The following THOC6 variants were observed in gnomAD, a reference collection of about 807,000 sequenced individuals.
THOC6 encodes THO complex subunit 6.
In THOC6, 39 loss-of-function variants were observed where a neutral mutation model predicts 55.8. The observed-to-expected ratio is 0.70, with a 90% CI of 0.54 to 0.91. THOC6 has a LOEUF of 0.91. THOC6 is among the 40% of genes least tolerant of loss of function. The pLI is 0.00. For missense variants in THOC6, 482 were observed against 442.0 expected, an observed-to-expected ratio of 1.09 and a Z score of -0.81; for synonymous variants, 192 against 175.6, an observed-to-expected ratio of 1.09 and a Z score of -0.74.
chr16:3,025,599 G>T, intron 1 of THOC6, 109 bp from the exon 2 acceptor site: 1 of 986,878 alleles, frequency 1.0e-6, no homozygotes, highest in Non-Finnish European at 1.6e-6. Flanking sequence ...AGAAGGCTGA[G>T]AAGTCAGGAC....
rs1469178876 is a variant in THOC6, at chr16:3,026,303, G to A, written c.362+15G>A. The A allele has an allele frequency of 1.4e-5, 23 of 1,613,994 alleles. No individual in the cohort carries two copies. The highest frequency in any genetic ancestry group is 4.5e-5 in the East Asian group (2 of 44,900). Reference sequence around the variant, plus strand: ...CCTCCATACAGGTGAGCAGGGCCACGTGGATAGAGGGTGCATCAGGGTGAA... The same window carrying A: ...CCTCCATACAGGTGAGCAGGGCCACATGGATAGAGGGTGCATCAGGGTGAA... On this transcript the variant is annotated intron_variant, in intron 5 of 12. Transcript: ENST00000326266.
In THOC6 at chr16:3,024,235, G is replaced by C; in HGVS notation, c.-92G>C. The C allele has an allele frequency of 6.5e-7, 1 of 1,538,810 alleles. No individual in the cohort carries two copies. On this transcript the variant is annotated 5_prime_UTR_variant, in exon 1 of 13. Coordinates refer to ENST00000326266, the MANE Select transcript of THOC6 (RefSeq NM_024339.5). ...ACCAGCCACCTTCGCGCCGAAGGCG[G>C]TAGGGCGCCACGGAGAGGAACCGCT...
chr16:3,026,380 G>A lies in THOC6; in HGVS notation c.378G>A (p.Val126=), dbSNP rs1345228035. 1 of 1,613,920 alleles carries A rather than the reference G, an allele frequency of 6.2e-7. No homozygotes were observed. Among genetic ancestry groups the A allele is most frequent in the African/African-American group, 1.3e-5 (1 of 74,870 alleles). ...CCTTCCCCAGGACCAGCCTGGAAGT[G>A]CCTGAGATCAACGCTTTGCTGCTGG... The part of the protein sequence containing the change: ...RQPPYRTSLE[V]PEINALLLVP... The change falls in exon 6 of 13, where the codon GTG becomes GTA. Residue 126 remains valine (V), a synonymous_variant. Transcript: ENST00000326266.
At position 3,027,354 on chromosome 16, in the gene THOC6, T is replaced by C; in HGVS notation, c.811-12T>C. ...AGTCCTGACCCCTGAGCACCTTCCCTGTCCTCTGCAGATTCTGTCAGCTGG... is the reference window on the plus strand; with the variant it reads ...AGTCCTGACCCCTGAGCACCTTCCCCGTCCTCTGCAGATTCTGTCAGCTGG... On this transcript the variant is annotated splice_polypyrimidine_tract_variant and intron_variant, in intron 11 of 12. Transcript: ENST00000326266. 1 of 1,613,408 alleles carries C rather than the reference T, an allele frequency of 6.2e-7. No individual in the cohort carries two copies. The highest frequency in any genetic ancestry group is 8.5e-7 in the Non-Finnish European group (1 of 1,179,566).
chr16:3,027,148 G>T, intron 10 of THOC6, 22 bp from the exon 11 acceptor site: 6 of 1,614,140 alleles, frequency 3.7e-6, no homozygotes, highest in African/African-American at 1.3e-5. Context: ...TCACAGCTGG[G>T]GACTCCCACC....
Position 3,027,476 on chromosome 16 carries a change from G to T in THOC6, c.921G>T (p.Gln307His). Residue 307 changes from glutamine to histidine, a missense_variant, in exon 12 of 13, where the codon CAG becomes CAT. Physicochemically the swap from Gln to His is conservative, Grantham distance 24 (BLOSUM62 0). Transcript: ENST00000326266. The part of the protein sequence containing the change: ...SPGLLSLSLN[Q>H]QPAAPECKVL... ...GGCTGCTCAGCCTCAGCCTCAACCA[G>T]CAGCCTGCCGCGCCTGAGTGCAAGG... The T allele has an allele frequency of 1.9e-6, 3 of 1,610,016 alleles. No homozygotes were observed. The highest frequency in any genetic ancestry group is 2.5e-6 in the Non-Finnish European group (3 of 1,177,902).
chr16:3,024,667 C>T (rs1482602132), intron 1 of THOC6, among the ~76,000 whole-genome samples: 1 of 134,842 alleles, frequency 7.4e-6, no homozygotes, highest in African/African-American at 2.8e-5. Context: ...CAGAGTCTCA[C>T]TCTGTCACCT....
Position 3,026,664 on chromosome 16 carries a change from C to G in THOC6, c.484-15C>G. 6.2e-7 allele frequency: 1 copy of G among 1,610,454 alleles called. No individual in the cohort carries two copies. The highest frequency in any genetic ancestry group is 8.5e-7 in the Non-Finnish European group (1 of 1,177,932). Reference sequence around the variant, plus strand: ...CTTCCTAGGTCTCCTCCTGACATCGCCCCTCTACATGCAGAGGGTCCTCCG... The same window carrying G: ...CTTCCTAGGTCTCCTCCTGACATCGGCCCTCTACATGCAGAGGGTCCTCCG... On this transcript the variant is annotated splice_polypyrimidine_tract_variant and intron_variant, in intron 7 of 12. Coordinates refer to ENST00000326266, the MANE Select transcript of THOC6 (RefSeq NM_024339.5).
In THOC6 at chr16:3,026,454, C is replaced by A. The variant is rs369985699; in HGVS notation, c.411+41C>A. ...GACTGTTCTTGGTCCAAACTTTGAT[C>A]CTTCACCCTCTGCCTATCCTGATTT... On this transcript the variant is annotated intron_variant, in intron 6 of 12. Transcript: ENST00000326266. 4 of 1,614,130 alleles carry A rather than the reference C, an allele frequency of 2.5e-6. No individual in the cohort carries two copies. The East Asian group carries it at 6.7e-5, about 27-fold the overall frequency.
Position 3,025,809 on chromosome 16 carries a change from G to C in THOC6, c.141G>C (p.Gln47His). ...KFLAAGNNYGQIAIFSLSSAL... is the reference protein window; with the variant it reads ...KFLAAGNNYGHIAIFSLSSAL... Reference sequence around the variant, plus strand: ...TGGCGGCTGGCAACAATTACGGGCAGATTGCCATCTTCAGGTACCCTCTGC... The same window carrying C: ...TGGCGGCTGGCAACAATTACGGGCACATTGCCATCTTCAGGTACCCTCTGC... The change falls in exon 2 of 13, where the codon CAG (glutamine) becomes CAC (histidine). Residue 47 changes from glutamine to histidine, a missense_variant. Transcript: ENST00000326266. 6.2e-7 allele frequency: 1 copy of C among 1,614,234 alleles called. No homozygotes were observed. Among genetic ancestry groups the C allele is most frequent in the Non-Finnish European group, 8.5e-7 (1 of 1,180,050 alleles).
In THOC6 at chr16:3,025,775, G is replaced by A; in HGVS notation, c.107G>A (p.Gly36Glu). 1.9e-6 allele frequency: 3 copies of A among 1,614,222 alleles called. No individual in the cohort carries two copies. The highest frequency in any genetic ancestry group is 2.5e-6 in the Non-Finnish European group (3 of 1,180,048). Residue 36 changes from glycine (G) to glutamate (E), a missense_variant, in exon 2 of 13, where the codon GGG (glycine) becomes GAG (glutamate). By Grantham distance (98) the Gly-to-Glu change is moderately conservative. Coordinates refer to ENST00000326266, the MANE Select transcript of THOC6 (RefSeq NM_024339.5). The part of the protein sequence containing the change: ...TIFSQSVSPC[G>E]KFLAAGNNYG... ...TTCTCCCAGAGCGTCTCACCATGTG[G>A]GAAGTTTCTGGCGGCTGGCAACAAT... is the stretch of plus-strand genomic sequence containing the variant.
rs1750052520 is a variant in THOC6 at position 3,024,383 on chromosome 16, C to T, written c.39+18C>T. 1.2e-6 allele frequency: 2 copies of T among 1,613,960 alleles called. No individual in the cohort carries two copies. Among genetic ancestry groups the T allele is most frequent in the Non-Finnish European group, 1.7e-6 (2 of 1,179,938 alleles). On this transcript the variant is annotated intron_variant, in intron 1 of 12. Coordinates refer to ENST00000326266, the MANE Select transcript of THOC6 (RefSeq NM_024339.5). ...TGGGTCAGGTGAGACGGACGTGGTGCGCGTTGCCTTCTGGGGTTTGTAGTT... is the reference window on the plus strand; with the variant it reads ...TGGGTCAGGTGAGACGGACGTGGTGTGCGTTGCCTTCTGGGGTTTGTAGTT...
chr16:3,024,120 C>T lies in THOC6; in HGVS notation c.-207C>T, dbSNP rs2072712940. Reference sequence around the variant, plus strand: ...GCTCCTCGGGGTGGGGGAGGGTATCCGGCTTAAGGGGGCTGCGGTGGACAC... The same window carrying T: ...GCTCCTCGGGGTGGGGGAGGGTATCTGGCTTAAGGGGGCTGCGGTGGACAC... On this transcript the variant is annotated 5_prime_UTR_variant, in exon 1 of 13. Transcript: ENST00000326266. The T allele has an allele frequency of 8.4e-6, 6 of 712,382 alleles. No homozygotes were observed. Among genetic ancestry groups the T allele is most frequent in the East Asian group, 2.7e-5 (1 of 36,894 alleles). The allele number at this position is 712,382 out of a possible 1,614,324, so 44.1% of individuals were successfully genotyped here.
chr16:3,027,555 G>C, intron 12 of THOC6, 22 bp from the exon 13 acceptor site: 2 of 1,613,424 alleles, frequency 1.2e-6, no homozygotes, highest in Non-Finnish European at 1.7e-6. Flanking sequence ...GGGCAGGCCA[G>C]TCATGCCCCT....
chr16:3,025,624 C>T, intron 1 of THOC6, 84 bp from the exon 2 acceptor site: 2 of 1,316,498 alleles, frequency 1.5e-6, no homozygotes, highest in South Asian at 1.2e-5. Context: ...GGAGGCCTGG[C>T]AGGTTTTGGG....
Position 3,027,485 on chromosome 16 carries a change from C to T in THOC6, c.930C>T (p.Ala310=), listed in dbSNP as rs149227535. The change falls in exon 12 of 13, where the codon GCC becomes GCT. Residue 310 remains alanine, a synonymous_variant. Coordinates refer to ENST00000326266, the MANE Select transcript of THOC6 (RefSeq NM_024339.5). ...LLSLSLNQQP[A]APECKVLTAA... Reference sequence around the variant, plus strand: ...GCCTCAGCCTCAACCAGCAGCCTGCCGCGCCTGAGTGCAAGGTGGGTCCGG... The same window carrying T: ...GCCTCAGCCTCAACCAGCAGCCTGCTGCGCCTGAGTGCAAGGTGGGTCCGG... 3.3e-5 allele frequency: 53 copies of T among 1,609,976 alleles called. No individual in the cohort carries two copies. Among genetic ancestry groups the T allele is most frequent in the African/African-American group, 4.0e-5 (3 of 74,888 alleles).
At chr16:3,024,531 C>T (rs1304182942) in intron 1 of THOC6, among the ~76,000 whole-genome samples, 166 bp downstream of exon 1, 1 of 150,992 alleles carries the variant, frequency 6.6e-6, no homozygotes, top group Non-Finnish European at 1.5e-5. Context: ...GCTTCAGGGG[C>T]TTAACGCAAG....
Position 3,025,760 on chromosome 16 carries a change from G to A in THOC6, c.92G>A (p.Ser31Asn). 6.2e-7 allele frequency: 1 copy of A among 1,614,246 alleles called. No individual in the cohort carries two copies. Among genetic ancestry groups the A allele is most frequent in the Non-Finnish European group, 8.5e-7 (1 of 1,180,050 alleles). ...QRLHMTIFSQSVSPCGKFLAA... is the reference protein window; with the variant it reads ...QRLHMTIFSQNVSPCGKFLAA... ...CTCCATATGACCATCTTCTCCCAGA[G>A]CGTCTCACCATGTGGGAAGTTTCTG... The change falls in exon 2 of 13, where the codon AGC becomes AAC. Residue 31 changes from serine (S) to asparagine (N), a missense_variant. Transcript: ENST00000326266.
intron 6 of THOC6, 39 bp downstream of exon 6, chr16:3,026,452 ATCCT>A (rs1391256771): frequency 6.2e-7 from 1 of 1,613,948 alleles, no homozygotes; most frequent in South Asian, 1.1e-5. Context: ...CCAAACTTTG[ATCCT>A]TCACCCTCTG....
Sources: gnomAD v4.1 joint callset for allele counts (sites outside exome capture counted in the v4.1 genomes callset) on GRCh38, gnomAD v4.1.1 for gene constraint, MANE v1.5 for transcripts, NCBI Gene and HGNC (gene_info 2026-07-23, HGNC 2026-07-21) for gene names.